NRIP1: variants seen among roughly 807,000 people sequenced by gnomAD.
The protein encoded by NRIP1 is nuclear receptor-interacting protein 1.
In NRIP1, 28 loss-of-function variants were observed where a neutral mutation model predicts 75.0. The observed-to-expected ratio is 0.37, with a 90% CI of 0.28 to 0.51. The LOEUF (loss-of-function observed/expected upper bound fraction) is 0.51. NRIP1 is among the 20% of genes least tolerant of loss of function. The pLI is 0.92. For missense variants in NRIP1, 1,435 were observed against 1,343.7 expected, an observed-to-expected ratio of 1.07 and a Z score of -1.06; for synonymous variants, 526 against 487.6, an observed-to-expected ratio of 1.08 and a Z score of -1.04.
At chr21:15,064,226 G>A (rs1002604325) in intron 1 of NRIP1, among the ~76,000 whole-genome samples, 1 of 152,254 alleles carries the variant, frequency 6.6e-6, no homozygotes, top group Non-Finnish European at 1.5e-5. Context: ...CGGGCAGAGC[G>A]GCCCGGGGTC....
At chr21:14,975,782 T>C (rs1415491919) in intron 3 of NRIP1, among the ~76,000 whole-genome samples, 1 of 152,144 alleles carries the variant, frequency 6.6e-6, no homozygotes, top group Non-Finnish European at 1.5e-5. Context: ...TTTATTATTT[T>C]AGCCTTTTTT....
chr21:14,997,256 CTCT>C (rs1304264260), intron 3 of NRIP1, among the ~76,000 whole-genome samples: 2 of 152,174 alleles, frequency 1.3e-5, no homozygotes, highest in Non-Finnish European at 2.9e-5. Flanking sequence ...ACCTTTTCTG[CTCT>C]TAACTCTCAT....
chr21:14,961,874 C>T lies in NRIP1; in HGVS notation c.*2842G>A, dbSNP rs934014271. ...ACTTATACATGGAATATACAGGAAC[C>T]AAAGAGATTAAAAGGCTTTTCTGTT... On this transcript the variant is annotated 3_prime_UTR_variant, in exon 4 of 4. Transcript: ENST00000318948. 1.3e-5 allele frequency: 2 copies of T among 151,812 alleles called. No individual in the cohort carries two copies. The highest frequency in any genetic ancestry group is 4.8e-5 in the African/African-American group (2 of 41,258). 9.4% of individuals were successfully genotyped at this position (151,812 alleles called of 1,614,324 possible). A position where few individuals can be genotyped will look rare whatever the true frequency, so the allele number is the denominator to read the frequency against.
chr21:14,984,485 G>A (rs2087337671), intron 3 of NRIP1, among the ~76,000 whole-genome samples: 1 of 151,296 alleles, frequency 6.6e-6, no homozygotes, highest in Non-Finnish European at 1.5e-5. Context: ...TCTTACACAT[G>A]TGTAAAGAAA....
intron 2 of NRIP1, among the ~76,000 whole-genome samples, chr21:15,022,706 C>T (rs899240145): frequency 6.6e-6 from 1 of 152,170 alleles, no homozygotes; most frequent in Non-Finnish European, 1.5e-5. Context: ...TCATACACTA[C>T]TGGTGGGAAT....
At chr21:14,978,049 G>A (rs1256202535) in intron 3 of NRIP1, among the ~76,000 whole-genome samples, 1 of 152,126 alleles carries the variant, frequency 6.6e-6, no homozygotes, top group Non-Finnish European at 1.5e-5. Flanking sequence ...TTGGCCCAAG[G>A]CCAAATTTGC....
At position 14,966,478 on chromosome 21, in the gene NRIP1, G is replaced by A. The variant is rs1239840857; in HGVS notation, c.1715C>T (p.Ser572Phe). ...AGSPINLSQH[S>F]LVIKWNSPPY... ...TGGGGAATTCCATTTGATGACCAGA[G>A]AGTGTTGAGAGAGATTGATGGGAGA... is the stretch of plus-strand genomic sequence containing the variant. The change falls in exon 4 of 4, where the codon TCT (serine) becomes TTT (phenylalanine). Residue 572 changes from serine (S) to phenylalanine (F), a missense_variant. Ser to Phe is a radical substitution (Grantham distance 155, BLOSUM62 -2). Transcript: ENST00000318948. The A allele has an allele frequency of 6.2e-7, 1 of 1,614,010 alleles. No individual in the cohort carries two copies. Among genetic ancestry groups the A allele is most frequent in the Non-Finnish European group, 8.5e-7 (1 of 1,180,004 alleles).
intron 2 of NRIP1, among the ~76,000 whole-genome samples, chr21:15,035,946 C>T (rs1417059383): frequency 6.6e-6 from 1 of 152,118 alleles, no homozygotes; most frequent in Non-Finnish European, 1.5e-5. Context: ...TTCTTATTTT[C>T]TGAAATTACT....
At position 14,965,071 on chromosome 21, in the gene NRIP1, G is replaced by C; in HGVS notation, c.3122C>G (p.Pro1041Arg). 6.2e-7 allele frequency: 1 copy of C among 1,613,552 alleles called. No individual in the cohort carries two copies. The highest frequency in any genetic ancestry group is 1.1e-5 in the South Asian group (1 of 91,054). Residue 1041 changes from proline to arginine, a missense_variant, in exon 4 of 4, where the codon CCC (proline) becomes CGC (arginine). Transcript: ENST00000318948. ...NGCSMPSEKG[P>R]IKWVITDAEK... Reference sequence around the variant, plus strand: ...CGCATCAGTGATAACCCACTTAATGGGTCCTTTCTCACTGGGCATGGAACA... The same window carrying C: ...CGCATCAGTGATAACCCACTTAATGCGTCCTTTCTCACTGGGCATGGAACA...
At chr21:14,974,309 A>C (rs945395532) in intron 3 of NRIP1, 1 of 152,196 alleles carries the variant, frequency 6.6e-6, no homozygotes, top group Non-Finnish European at 1.5e-5. Context: ...TATTGATTCC[A>C]GATTTCAGGT....
intron 3 of NRIP1, among the ~76,000 whole-genome samples, chr21:15,008,058 A>T (rs772296098): frequency 6.6e-6 from 1 of 152,196 alleles, no homozygotes; most frequent in Admixed American, 6.5e-5. Flanking sequence ...CCCAGCACCA[A>T]TGTAATTTGA....
chr21:14,965,239 A>G lies in NRIP1; in HGVS notation c.2954T>C (p.Met985Thr). 1 of 1,613,972 alleles carries G rather than the reference A, an allele frequency of 6.2e-7. No individual in the cohort carries two copies. Among genetic ancestry groups the G allele is most frequent in the Non-Finnish European group, 8.5e-7 (1 of 1,179,926 alleles). ...ACTGCTGGGCTGAGTGGAACTGTAC[A>G]TCAGTCCATTTAAAGAAGAAATGCT... ...EFSISSLNGL[M>T]YSSTQPSSCM... The change falls in exon 4 of 4, where the codon ATG (methionine) becomes ACG (threonine). Residue 985 changes from methionine to threonine, a missense_variant. By Grantham distance (81) the Met-to-Thr change is moderately conservative. Transcript: ENST00000318948.
rs779982284 is a variant in NRIP1 at position 14,965,057 on chromosome 21, T to C, written c.3136A>G (p.Ile1046Val). Residue 1046 changes from isoleucine to valine, a missense_variant, in exon 4 of 4, where the codon ATC becomes GTC. Transcript: ENST00000318948. ...PSEKGPIKWV[I>V]TDAEKNEYEK... ...TACTCATTCTTCTCCGCATCAGTGA[T>C]AACCCACTTAATGGGTCCTTTCTCA... 13 of 1,613,926 alleles carry C rather than the reference T, an allele frequency of 8.1e-6. No individual in the cohort carries two copies. The South Asian group carries it at 1.4e-4, about 18-fold the overall frequency.
intron 3 of NRIP1, among the ~76,000 whole-genome samples, chr21:14,988,495 A>ATGTGTGTGTGTG (rs1220704059): frequency 5.2e-5 from 6 of 114,956 alleles, no homozygotes; most frequent in African/African-American, 1.9e-4. Flanking sequence ...GATAGTATAT[A>ATGTGTGTGTGTG]TATATGTGTG....
intron 1 of NRIP1, among the ~76,000 whole-genome samples, chr21:15,057,297 C>T (rs2147402715): frequency 6.6e-6 from 1 of 152,304 alleles, no homozygotes; most frequent in East Asian, 1.9e-4. Context: ...CTTGGGAACA[C>T]TCAGTTTAAG....
At chr21:15,004,683 A>G (rs527243264) in intron 3 of NRIP1, among the ~76,000 whole-genome samples, 103 of 152,384 alleles carry the variant, frequency 6.8e-4, no homozygotes, top group Middle Eastern at 3.4e-3. Flanking sequence ...CAACTTTCTT[A>G]AAGTCCATTT....
chr21:15,031,852 C>T (rs1313385063), intron 2 of NRIP1, among the ~76,000 whole-genome samples: 1 of 151,568 alleles, frequency 6.6e-6, no homozygotes, highest in Non-Finnish European at 1.5e-5. Context: ...CAGAGGTTCA[C>T]CACATTCCCT....
At chr21:15,000,178 G>A (rs2087819118) in intron 3 of NRIP1, among the ~76,000 whole-genome samples, 1 of 152,306 alleles carries the variant, frequency 6.6e-6, no homozygotes, top group Admixed American at 6.5e-5. Context: ...ACCATTCAGA[G>A]AGATTCCTGT....
Position 14,988,454 on chromosome 21 carries a change from T to TAGATAGAC in NRIP1, c.-334-19929_-334-19928insGTCTATCT, listed in dbSNP as rs373975511. On this transcript the variant is annotated intron_variant, in intron 3 of 3. Coordinates refer to ENST00000318948, the MANE Select transcript of NRIP1 (RefSeq NM_003489.4). ...ATAGATAGATAGATAGATAGATAGA[T>TAGATAGAC]AGACAGACAGATAGATAGATAATAT... Among the ~76,000 whole-genome samples the TAGATAGAC allele has an allele frequency of 6.0e-3, 738 of 122,494 alleles. 5 individuals are homozygous for TAGATAGAC. Among genetic ancestry groups the TAGATAGAC allele is most frequent in the African/African-American group, 0.012 (407 of 32,970 alleles). The allele number at this position is 122,494 out of a possible 152,430, so 80.4% of individuals were successfully genotyped here.
Sources: allele counts gnomAD v4.1 joint callset (sites outside exome capture counted in the v4.1 genomes callset), GRCh38; gene constraint gnomAD v4.1.1; transcripts MANE v1.5; gene names NCBI Gene and HGNC (gene_info 2026-07-23, HGNC 2026-07-21).